The following NREP variants were observed in gnomAD, a reference collection of about 807,000 sequenced individuals.
NREP encodes neuronal regeneration related protein.
In NREP, 5 loss-of-function variants were observed where a neutral mutation model predicts 8.6. The ratio of observed to expected loss-of-function variants is 0.58; its 90% CI spans 0.30 to 1.22. The LOEUF is 1.22. Ranked by LOEUF, NREP falls within the 50% of genes most tolerant of loss-of-function variation. The pLI is 0.07. For synonymous variants in NREP, 27 were observed against 28.0 expected, an observed-to-expected ratio of 0.96 and a Z score of 0.11; for missense variants, 86 against 82.5, an observed-to-expected ratio of 1.04 and a Z score of -0.17.
At chr5:111,858,026 C>G (rs564324582) in intron 2 of NREP, among the ~76,000 whole-genome samples, 2 of 151,890 alleles carry the variant, frequency 1.3e-5, no homozygotes, top group South Asian at 4.2e-4. Flanking sequence ...CTAACATGCT[C>G]ACTTTCAGAC....
At chr5:111,737,837 A>G (rs550759420) in intron 2 of NREP, among the ~76,000 whole-genome samples, 3 of 152,074 alleles carry the variant, frequency 2.0e-5, no homozygotes, top group East Asian at 1.9e-4. Flanking sequence ...CCCTTACTTC[A>G]TATTTGTTAC....
intron 2 of NREP, among the ~76,000 whole-genome samples, chr5:111,918,149 A>G (rs958632802): frequency 3.9e-5 from 6 of 152,186 alleles, no homozygotes; most frequent in Non-Finnish European, 1.5e-5. Flanking sequence ...ACAACTTACA[A>G]GGCATGTGAA....
intron 2 of NREP, among the ~76,000 whole-genome samples, chr5:111,750,825 C>G (rs1028876181): frequency 6.6e-6 from 1 of 152,186 alleles, no homozygotes; most frequent in Non-Finnish European, 1.5e-5. Context: ...GAGATGGCAT[C>G]GCACCACACT....
Position 111,769,427 on chromosome 5 carries a change from C to T in NREP, c.136-33920G>A, listed in dbSNP as rs963559388. 7.2e-5 allele frequency among the ~76,000 whole-genome samples: 11 copies of T among 152,084 alleles called. No individual in the cohort carries two copies. The East Asian group carries it at 7.7e-4, about 11-fold the overall frequency. On this transcript the variant is annotated intron_variant, in intron 2 of 3. Coordinates refer to the NREP transcript ENST00000395634. ...AAATTAACAACAACAACAAAATGAC[C>T]GGGCAAAGAATGCCTGGGGGGAGGG...
intron 2 of NREP, among the ~76,000 whole-genome samples, chr5:111,930,827 T>C (rs954604171): frequency 6.6e-6 from 1 of 152,154 alleles, no homozygotes; most frequent in Non-Finnish European, 1.5e-5. Context: ...GACACAGATG[T>C]GGTCAAGGAG....
At chr5:111,955,127 G>T (rs560944238) in intron 2 of NREP, among the ~76,000 whole-genome samples, 1 of 152,278 alleles carries the variant, frequency 6.6e-6, no homozygotes, top group Admixed American at 6.5e-5. Flanking sequence ...AGCTATGCCT[G>T]CCTGACACAG....
intron 2 of NREP, among the ~76,000 whole-genome samples, chr5:111,885,669 A>G (rs897367582): frequency 3.3e-5 from 5 of 152,130 alleles, no homozygotes; most frequent in Admixed American, 6.5e-5. Context: ...ATAATGCCGC[A>G]TATCTTCAAC....
intron 2 of NREP, among the ~76,000 whole-genome samples, chr5:111,963,795 G>T (rs928561507): frequency 2.6e-5 from 4 of 152,312 alleles, no homozygotes; most frequent in Non-Finnish European, 5.9e-5. Context: ...GCCTTTGGTA[G>T]TGCCATGGTC....
At chr5:111,891,912 A>G (rs750710348) in intron 2 of NREP, among the ~76,000 whole-genome samples, 1 of 152,196 alleles carries the variant, frequency 6.6e-6, no homozygotes, top group Non-Finnish European at 1.5e-5. Flanking sequence ...ACATTTCAGC[A>G]TGAGATTCTG....
chr5:111,916,766 T>G (rs1003875983), intron 2 of NREP, among the ~76,000 whole-genome samples: 3 of 152,164 alleles, frequency 2.0e-5, no homozygotes, highest in African/African-American at 7.2e-5. Context: ...ACTTGTAAAG[T>G]GCTTAGAATC....
At chr5:111,894,460 T>C (rs1754462381) in intron 2 of NREP, among the ~76,000 whole-genome samples, 1 of 152,044 alleles carries the variant, frequency 6.6e-6, no homozygotes, top group African/African-American at 2.4e-5. Context: ...TTTTTTTTTT[T>C]TCAGTTAGAG....
Position 111,731,065 on chromosome 5 carries a change from C to T in NREP, c.82-19G>A. 6.2e-7 allele frequency: 1 copy of T among 1,612,476 alleles called. No individual in the cohort carries two copies. Among genetic ancestry groups the T allele is most frequent in the Non-Finnish European group, 8.5e-7 (1 of 1,179,138 alleles). On this transcript the variant is annotated intron_variant, in intron 3 of 3. Coordinates refer to ENST00000257435, the MANE Select transcript of NREP (RefSeq NM_004772.4). ...GTCTTCCCTGCAAAGCAGGCAGACC[C>T]ACACACAGACAGACACACATAAAAG...
chr5:111,798,013 T>C (rs1203434931), intron 2 of NREP, among the ~76,000 whole-genome samples: 1 of 152,192 alleles, frequency 6.6e-6, no homozygotes, highest in Non-Finnish European at 1.5e-5. Context: ...ATAGTTATTA[T>C]TGGGGACTTT....
chr5:111,817,139 G>A (rs1222684233), intron 2 of NREP, among the ~76,000 whole-genome samples: 4 of 152,052 alleles, frequency 2.6e-5, no homozygotes, highest in African/African-American at 7.2e-5. Flanking sequence ...CTAGAATCTA[G>A]CCATCTTGCT....
At chr5:111,758,085 G>C, upstream of NREP, 2 of 985,532 alleles carry the variant, frequency 2.0e-6, no homozygotes, top group Non-Finnish European at 2.4e-6. Flanking sequence ...AGTCCGCGAA[G>C]GATGCATTTG....
intron 2 of NREP, among the ~76,000 whole-genome samples, chr5:111,924,155 G>A (rs1227812404): frequency 2.0e-5 from 3 of 152,112 alleles, no homozygotes; most frequent in African/African-American, 7.2e-5. Flanking sequence ...ACTGAGGTTT[G>A]GCAAAGCTGG....
chr5:111,972,770 G>C (rs1191532549), intron 2 of NREP, among the ~76,000 whole-genome samples: 1 of 152,160 alleles, frequency 6.6e-6, no homozygotes, highest in Non-Finnish European at 1.5e-5. Context: ...GGGGAGCCAA[G>C]GGATCCCAGA....
At chr5:111,958,224 G>T (rs905177098) in intron 2 of NREP, among the ~76,000 whole-genome samples, 1 of 151,476 alleles carries the variant, frequency 6.6e-6, no homozygotes, top group Admixed American at 6.6e-5. Context: ...AAATTGTTAA[G>T]AATTAAAACA....
intron 2 of NREP, among the ~76,000 whole-genome samples, chr5:111,941,139 C>A (rs961251143): frequency 6.6e-6 from 1 of 152,054 alleles, no homozygotes; most frequent in Non-Finnish European, 1.5e-5. Context: ...TCAAACTTTT[C>A]TTTCACAAAG....
Sources: allele counts gnomAD v4.1 joint callset (sites outside exome capture counted in the v4.1 genomes callset), GRCh38; gene constraint gnomAD v4.1.1; transcripts MANE v1.5; gene names NCBI Gene and HGNC (gene_info 2026-07-23, HGNC 2026-07-21).